The following SNTA1 variants were observed in gnomAD, a reference collection of about 807,000 sequenced individuals.
SNTA1 encodes alpha-1-syntrophin.
In SNTA1, 31 loss-of-function variants were observed where a neutral mutation model predicts 47.1. That is an observed-to-expected ratio of 0.66 (90% CI 0.49 to 0.89). The LOEUF is 0.89. Ranked by LOEUF, SNTA1 falls within the 40% of genes least tolerant of loss-of-function variation. The pLI, the probability that SNTA1 is intolerant of heterozygous loss-of-function variation, is 0.00. For synonymous variants in SNTA1, 300 were observed against 313.6 expected (o/e 0.96, Z 0.46); for missense variants, 575 against 693.0 (o/e 0.83, Z 1.91).
At chr20:33,440,077 A>G (rs1038607052) in intron 1 of SNTA1, among the ~76,000 whole-genome samples, 1 of 151,700 alleles carries the variant, frequency 6.6e-6, no homozygotes, top group Non-Finnish European at 1.5e-5. Flanking sequence ...GTGAGCTGAG[A>G]TCACGCCATT....
chr20:33,438,680 C>T (rs1273384780), intron 2 of SNTA1, among the ~76,000 whole-genome samples, 161 bp downstream of exon 2: 1 of 152,236 alleles, frequency 6.6e-6, no homozygotes, highest in African/African-American at 2.4e-5. Context: ...CACCACCCCA[C>T]ACTGTCTTCA....
At chr20:33,433,087 GC>G (rs894817992) in intron 2 of SNTA1, among the ~76,000 whole-genome samples, 3 of 151,658 alleles carry the variant, frequency 2.0e-5, no homozygotes, top group African/African-American at 7.3e-5. Context: ...CTGCCACCAC[GC>G]CCAGCTAATT....
chr20:33,425,758 G>A (rs1217073990), intron 2 of SNTA1, among the ~76,000 whole-genome samples: 3 of 152,038 alleles, frequency 2.0e-5, no homozygotes, highest in Non-Finnish European at 2.9e-5. Context: ...TGACCTCTGC[G>A]AGCCTCTGTT....
At chr20:33,435,751 T>G (rs1432751981) in intron 2 of SNTA1, among the ~76,000 whole-genome samples, 1 of 152,150 alleles carries the variant, frequency 6.6e-6, no homozygotes, top group East Asian at 1.9e-4. Flanking sequence ...TCTCTTGGCT[T>G]AGTGAGGAGG....
intron 2 of SNTA1, among the ~76,000 whole-genome samples, chr20:33,419,408 T>TAGGATTCA (rs2146775768): frequency 6.6e-6 from 1 of 152,256 alleles, no homozygotes; most frequent in East Asian, 1.9e-4. Context: ...GAGGCTCAGA[T>TAGGATTCA]AGGATTCAAA....
intron 2 of SNTA1, among the ~76,000 whole-genome samples, chr20:33,430,896 C>A (rs1990290648): frequency 1.3e-5 from 2 of 151,640 alleles, no homozygotes. Context: ...TTGCAGTGAG[C>A]CGAGATCGTG....
At chr20:33,443,124 GCCA>G (rs1044657550) in intron 1 of SNTA1, among the ~76,000 whole-genome samples, 184 bp downstream of exon 1, 6 of 151,256 alleles carry the variant, frequency 4.0e-5, no homozygotes, top group African/African-American at 1.2e-4. Flanking sequence ...GCCCCCTAAG[GCCA>G]CCAACTACTG....
chr20:33,413,676 C>A (rs1453462817), intron 3 of SNTA1, among the ~76,000 whole-genome samples: 2 of 151,824 alleles, frequency 1.3e-5, no homozygotes, highest in Non-Finnish European at 2.9e-5. Context: ...GCCTGTAATC[C>A]CAGAACTTCG....
intron 3 of SNTA1, among the ~76,000 whole-genome samples, chr20:33,417,131 A>G (rs569649054): frequency 3.3e-5 from 5 of 152,072 alleles, no homozygotes; most frequent in African/African-American, 1.2e-4. Flanking sequence ...TAATAATAAA[A>G]TAAAATAAAA....
chr20:33,408,436 G>A lies in SNTA1; in HGVS notation c.*71C>T. 9.2e-7 allele frequency: 1 copy of A among 1,089,624 alleles called. No homozygotes were observed. The highest frequency in any genetic ancestry group is 1.4e-6 in the Non-Finnish European group (1 of 708,708). The allele number at this position is 1,089,624 out of a possible 1,614,324, so 67.5% of individuals were successfully genotyped here. ...CTTCCCTCAGCCCAGGGGTGAGCAG[G>A]CAGTCGGTGGAGGCCCAGCTCAGGC... On this transcript the variant is annotated 3_prime_UTR_variant, in exon 8 of 8. Transcript: ENST00000217381.
At chr20:33,438,331 G>A (rs1169578938) in intron 2 of SNTA1, among the ~76,000 whole-genome samples, 1 of 151,958 alleles carries the variant, frequency 6.6e-6, no homozygotes, top group Non-Finnish European at 1.5e-5. Context: ...AAAAGCCAAG[G>A]CTTCTCCCAA....
At chr20:33,423,153 C>A (rs577330790) in intron 2 of SNTA1, among the ~76,000 whole-genome samples, 1 of 152,334 alleles carries the variant, frequency 6.6e-6, no homozygotes, top group African/African-American at 2.4e-5. Flanking sequence ...GCTCGCCCAG[C>A]CATCCCAGAT....
Position 33,408,590 on chromosome 20 carries a change from G to A in SNTA1, c.1435C>T (p.Leu479=). Residue 479 remains leucine (L), a synonymous_variant, in exon 8 of 8, where the codon CTG becomes TTG. Transcript: ENST00000217381. The part of the protein sequence containing the change: ...GGAEGEIQLD[L]HSCPKTIVFI... ...ACTATGGTTTTGGGACACGAGTGCA[G>A]GTCCAGCTGCTGGAGGGTGGATGGA... is the stretch of plus-strand genomic sequence containing the variant. 1 of 1,614,032 alleles carries A rather than the reference G, an allele frequency of 6.2e-7. No individual in the cohort carries two copies.
intron 2 of SNTA1, among the ~76,000 whole-genome samples, chr20:33,420,806 C>G (rs1989998970): frequency 1.3e-5 from 2 of 151,842 alleles, no homozygotes; most frequent in Admixed American, 1.3e-4. Flanking sequence ...ATGGTGAAAC[C>G]CTGTCTTTAC....
At chr20:33,414,888 G>A (rs1989835702) in intron 3 of SNTA1, among the ~76,000 whole-genome samples, 1 of 152,166 alleles carries the variant, frequency 6.6e-6, no homozygotes, top group South Asian at 2.1e-4. Context: ...TTTTAAACAT[G>A]TGGGAAAATT....
intron 2 of SNTA1, among the ~76,000 whole-genome samples, chr20:33,430,997 C>T (rs936839888): frequency 6.6e-6 from 1 of 152,040 alleles, no homozygotes; most frequent in Non-Finnish European, 1.5e-5. Context: ...CTGGCTCACA[C>T]CTGTAATCCC....
chr20:33,422,867 G>A (rs779368985), intron 2 of SNTA1, among the ~76,000 whole-genome samples: 9 of 152,176 alleles, frequency 5.9e-5, no homozygotes, highest in Non-Finnish European at 1.2e-4. Flanking sequence ...CCATAGCCCA[G>A]GAGACAGGCC....
At chr20:33,428,908 G>A (rs998536117) in intron 2 of SNTA1, among the ~76,000 whole-genome samples, 4 of 151,978 alleles carry the variant, frequency 2.6e-5, no homozygotes, top group African/African-American at 9.7e-5. Flanking sequence ...AGGTGTGGTG[G>A]CAGGCGCCTA....
At chr20:33,419,402 C>T (rs1444028584) in intron 2 of SNTA1, among the ~76,000 whole-genome samples, 1 of 152,176 alleles carries the variant, frequency 6.6e-6, no homozygotes, top group Non-Finnish European at 1.5e-5. Context: ...GCCTCTGAGG[C>T]TCAGATAGGA....
Sources: allele counts gnomAD v4.1 joint callset (sites outside exome capture counted in the v4.1 genomes callset), GRCh38; gene constraint gnomAD v4.1.1; transcripts MANE v1.5; gene names NCBI Gene and HGNC (gene_info 2026-07-23, HGNC 2026-07-21).